Variants in ZNF865 observed in about 807,000 individuals in gnomAD.
The protein encoded by ZNF865 is zinc finger protein 865.
For missense variants in ZNF865, 1,311 were observed against 1,593.4 expected (o/e 0.82, Z 3.02); for synonymous variants, 763 against 750.8 (o/e 1.02, Z -0.27).
chr19:55,614,105 A>C lies in ZNF865; in HGVS notation c.487A>C (p.Lys163Gln). 7.0e-7 allele frequency: 1 copy of C among 1,435,078 alleles called. No homozygotes were observed. The highest frequency in any genetic ancestry group is 9.1e-7 in the Non-Finnish European group (1 of 1,102,896). The allele number at this position is 1,435,078 out of a possible 1,614,324, so 88.9% of individuals were successfully genotyped here. Residue 163 changes from lysine to glutamine, a missense_variant, in exon 2 of 2, where the codon AAG (lysine) becomes CAG (glutamine). Transcript: ENST00000568956. This position sits in a 1 kb window ranked among gnomAD's most constrained non-coding sequence, Gnocchi z 8.0. ...GCACCAGCACTTGTTTGGGAACCTG[A>C]AGCGAGGAGGGCCCGCGTCCGGGCC... ...SGHQHLFGNL[K>Q]RGGPASGPGV... is the part of the protein sequence containing the mutation.
rs1175997167 is a variant in ZNF865 at position 55,614,584 on chromosome 19, G to T, written c.966G>T (p.Ala322=). ...CGGGCCCTCCAGCCACGCCCGTGGCGCCTGCCCCCTCCGCAGACGGGAGCG... is the reference window on the plus strand; with the variant it reads ...CGGGCCCTCCAGCCACGCCCGTGGCTCCTGCCCCCTCCGCAGACGGGAGCG... ...VSSGPPATPV[A]PAPSADGSAA... is the part of the protein sequence containing the mutation. Residue 322 remains alanine, a synonymous_variant, in exon 2 of 2, where the codon GCG becomes GCT. Transcript: ENST00000568956. This position sits in a 1 kb window ranked among gnomAD's most constrained non-coding sequence, Gnocchi z 8.0. 6.6e-7 allele frequency: 1 copy of T among 1,513,838 alleles called. No homozygotes were observed. Among genetic ancestry groups the T allele is most frequent in the Admixed American group, 2.1e-5 (1 of 48,486 alleles). 93.8% of individuals were successfully genotyped at this position (1,513,838 alleles called of 1,614,324 possible).
In ZNF865 at chr19:55,614,675, C is replaced by A; in HGVS notation, c.1057C>A (p.Pro353Thr). The part of the protein sequence containing the change: ...TGGGDGPFAC[P>T]LCWKVFKKPS... The stretch of plus-strand genomic sequence containing the variant: ...GGGTGGCGATGGCCCGTTCGCCTGC[C>A]CACTCTGCTGGAAGGTTTTCAAGAA... The change falls in exon 2 of 2, where the codon CCA becomes ACA. Residue 353 changes from proline (P) to threonine (T), a missense_variant. Coordinates refer to ENST00000568956, the MANE Select transcript of ZNF865 (RefSeq NM_001195605.2). The surrounding 1 kb of genome is among the most constrained non-coding windows in gnomAD (Gnocchi z 8.0). 6.4e-7 allele frequency: 1 copy of A among 1,556,866 alleles called. No individual in the cohort carries two copies. The highest frequency in any genetic ancestry group is 1.2e-5 in the South Asian group (1 of 85,700).
At position 55,614,514 on chromosome 19, in the gene ZNF865, CCGCTGCCAG is replaced by C; in HGVS notation, c.900_908del (p.Ser302_Ala304del). 1 of 1,356,028 alleles carries C rather than the reference CCGCTGCCAG, an allele frequency of 7.4e-7. No homozygotes were observed. The allele number at this position is 1,356,028 out of a possible 1,614,324, so 84.0% of individuals were successfully genotyped here. On this transcript the variant is annotated inframe_deletion, in exon 2 of 2. Coordinates refer to ENST00000568956, the MANE Select transcript of ZNF865 (RefSeq NM_001195605.2). This position sits in a 1 kb window ranked among gnomAD's most constrained non-coding sequence, Gnocchi z 8.0. ...CTCCCGCCGCTGGGCCTCCCAGCAC[CCGCTGCCAG>C]CGCCGCCACCGCCGCCGCCCCCTCC...
Position 55,613,942 on chromosome 19 carries a change from GTCGTCATCT to G in ZNF865, c.330_338del (p.Ser115_Ser117del). 2 of 1,532,030 alleles carry G rather than the reference GTCGTCATCT, an allele frequency of 1.3e-6. No homozygotes were observed. Among genetic ancestry groups the G allele is most frequent in the Non-Finnish European group, 1.7e-6 (2 of 1,144,672 alleles). 94.9% of individuals were successfully genotyped at this position (1,532,030 alleles called of 1,614,324 possible). A position where few individuals can be genotyped will look rare whatever the true frequency, so the allele number is the denominator to read the frequency against. Reference sequence around the variant, plus strand: ...CCTCCTCCTCCTCTTCGTCCTCCTCGTCGTCATCTTCGTCCTCTTCCTCTTCCCAAGCCA... The same window carrying G: ...CCTCCTCCTCCTCTTCGTCCTCCTCGTCGTCCTCTTCCTCTTCCCAAGCCA... On this transcript the variant is annotated inframe_deletion, in exon 2 of 2. Transcript: ENST00000568956.
rs73615028 is a variant in ZNF865 at position 55,611,144 on chromosome 19, G to T, written c.-26-2449G>T. ...ATGGCAACTCACTTTGCCTCTCCAT[G>T]CCTTAGTTTTCTAATTTATCCAACG... On this transcript the variant is annotated intron_variant, in intron 1 of 1. Coordinates refer to ENST00000568956, the MANE Select transcript of ZNF865 (RefSeq NM_001195605.2). This position sits in a 1 kb window ranked among gnomAD's most constrained non-coding sequence, Gnocchi z 4.5. Among the ~76,000 whole-genome samples, 2,639 of 152,250 alleles carry T rather than the reference G, an allele frequency of 0.017. 81 individuals are homozygous for T. Among genetic ancestry groups the T allele is most frequent in the African/African-American group, 0.06 (2,512 of 41,524 alleles).
At chr19:55,612,332 C>G (rs1370364175) in intron 1 of ZNF865, among the ~76,000 whole-genome samples, 4 of 152,054 alleles carry the variant, frequency 2.6e-5, no homozygotes, top group African/African-American at 9.7e-5. Flanking sequence ...TATGCCAGCC[C>G]CCTTGCTGGA....
chr19:55,616,118 G>C lies in ZNF865; in HGVS notation c.2500G>C (p.Asp834His). Reference protein sequence around the residue: ...LCGQSFAGAYDLLLHRRSHRQ... With the variant: ...LCGQSFAGAYHLLLHRRSHRQ... ...CGGCCAGAGCTTCGCGGGCGCCTACGACTTGCTCCTACACCGCCGCAGCCA... is the reference window on the plus strand; with the variant it reads ...CGGCCAGAGCTTCGCGGGCGCCTACCACTTGCTCCTACACCGCCGCAGCCA... Residue 834 changes from aspartate (D) to histidine (H), a missense_variant, in exon 2 of 2, where the codon GAC (aspartate) becomes CAC (histidine). Transcript: ENST00000568956. The C allele has an allele frequency of 2.0e-6, 3 of 1,492,082 alleles. No individual in the cohort carries two copies. The highest frequency in any genetic ancestry group is 2.7e-6 in the Non-Finnish European group (3 of 1,122,974). The allele number at this position is 1,492,082 out of a possible 1,614,324, so 92.4% of individuals were successfully genotyped here.
Position 55,614,470 on chromosome 19 carries a change from GC to G in ZNF865, c.856del (p.Gln286SerfsTer108). 8.5e-7 allele frequency: 1 copy of G among 1,172,934 alleles called. No individual in the cohort carries two copies. The highest frequency in any genetic ancestry group is 1.6e-5 in the South Asian group (1 of 63,034). The allele number at this position is 1,172,934 out of a possible 1,614,324, so 72.7% of individuals were successfully genotyped here. A position where few individuals can be genotyped will look rare whatever the true frequency, so the allele number is the denominator to read the frequency against. On this transcript the variant is annotated frameshift_variant, in exon 2 of 2. Transcript: ENST00000568956. LOFTEE classifies it low-confidence loss of function (END_TRUNC). The surrounding 1 kb of genome is among the most constrained non-coding windows in gnomAD (Gnocchi z 8.0). ...KDVPPAAGGP[P>X]QPGPHLPPLG... Reference sequence around the variant, plus strand: ...ACGTGCCACCGGCCGCGGGGGGCCCGCCCCAGCCCGGCCCCCACCTCCCGCC... The same window carrying G: ...ACGTGCCACCGGCCGCGGGGGGCCCGCCCAGCCCGGCCCCCACCTCCCGCC...
chr19:55,616,552 C>T lies in ZNF865; in HGVS notation c.2934C>T (p.His978=), dbSNP rs1981367247. 1.3e-6 allele frequency: 2 copies of T among 1,533,656 alleles called. No individual in the cohort carries two copies. The highest frequency in any genetic ancestry group is 1.7e-6 in the Non-Finnish European group (2 of 1,145,678). ...TCTACCTGAGCTCCGTGCTGCGCCA[C>T]CAGCGCGCCCATGAGCCGCCGCGGC... ...GFFYLSSVLR[H]QRAHEPPRPE... Residue 978 remains histidine, a synonymous_variant, in exon 2 of 2, where the codon CAC becomes CAT. Transcript: ENST00000568956.
rs1270141459 is a variant in ZNF865 at position 55,614,964 on chromosome 19, C to A, written c.1346C>A (p.Ser449Tyr). 6.9e-7 allele frequency: 1 copy of A among 1,452,384 alleles called. No homozygotes were observed. The highest frequency in any genetic ancestry group is 9.0e-7 in the Non-Finnish European group (1 of 1,110,572). The allele number at this position is 1,452,384 out of a possible 1,614,324, so 90.0% of individuals were successfully genotyped here. A position where few individuals can be genotyped will look rare whatever the true frequency, so the allele number is the denominator to read the frequency against. ...TACCCCTGCGACCTGTGCGGCAAGT[C>A]CTACTCGGCTCCGCAGAGCCTGCTC... ...PVYPCDLCGKSYSAPQSLLRH... is the reference protein window; with the variant it reads ...PVYPCDLCGKYYSAPQSLLRH... The change falls in exon 2 of 2, where the codon TCC (serine) becomes TAC (tyrosine). Residue 449 changes from serine (S) to tyrosine (Y), a missense_variant. Transcript: ENST00000568956. The surrounding 1 kb of genome is among the most constrained non-coding windows in gnomAD (Gnocchi z 8.0).
In ZNF865 at chr19:55,614,820, C is replaced by A; in HGVS notation, c.1202C>A (p.Ser401Ter). The A allele has an allele frequency of 1.3e-6, 2 of 1,539,556 alleles. No homozygotes were observed. The highest frequency in any genetic ancestry group is 8.7e-7 in the Non-Finnish European group (1 of 1,150,022). Residue 401 changes from serine (S) to a stop codon, truncating the protein, a stop_gained, in exon 2 of 2, where the codon TCG (serine) becomes TAG (stop). Transcript: ENST00000568956. LOFTEE classifies it low-confidence loss of function (END_TRUNC). This position sits in a 1 kb window ranked among gnomAD's most constrained non-coding sequence, Gnocchi z 8.0. ...CTGAAGCGCCACGTGAAGACGCACT[C>A]GGCCGACCTCCTGCGCCTGCCCTGC... is the stretch of plus-strand genomic sequence containing the variant. ...ESLKRHVKTH[S>*]ADLLRLPCGI...
Position 55,615,865 on chromosome 19 carries a change from G to C in ZNF865, c.2247G>C (p.Leu749=). The change falls in exon 2 of 2, where the codon CTG becomes CTC. Residue 749 remains leucine, a synonymous_variant. Coordinates refer to ENST00000568956, the MANE Select transcript of ZNF865 (RefSeq NM_001195605.2). ...GSSGTDAASV[L]DNGLAGEVGA... Reference sequence around the variant, plus strand: ...GCGGCACGGATGCGGCCAGCGTGCTGGACAACGGGCTGGCGGGGGAGGTGG... The same window carrying C: ...GCGGCACGGATGCGGCCAGCGTGCTCGACAACGGGCTGGCGGGGGAGGTGG... 1 of 1,487,050 alleles carries C rather than the reference G, an allele frequency of 6.7e-7. No homozygotes were observed. The highest frequency in any genetic ancestry group is 2.6e-5 in the East Asian group (1 of 37,822). 92.1% of individuals were successfully genotyped at this position (1,487,050 alleles called of 1,614,324 possible). A position where few individuals can be genotyped will look rare whatever the true frequency, so the allele number is the denominator to read the frequency against.
rs962390053 is a variant in ZNF865, at chr19:55,613,828, G to T, written c.210G>T (p.Pro70=). The T allele has an allele frequency of 2.3e-4, 164 of 714,472 alleles. No homozygotes were observed. Among genetic ancestry groups the T allele is most frequent in the Non-Finnish European group, 2.6e-4 (161 of 624,758 alleles). 44.3% of individuals were successfully genotyped at this position (714,472 alleles called of 1,614,324 possible). Residue 70 remains proline (P), a synonymous_variant, in exon 2 of 2, where the codon CCG becomes CCT. Coordinates refer to ENST00000568956, the MANE Select transcript of ZNF865 (RefSeq NM_001195605.2). The part of the protein sequence containing the change: ...CAPGPPPQPP[P]QPPPPQYDYP... ...CCGGCCCCCCGCCGCAGCCCCCGCC[G>T]CAGCCCCCTCCCCCGCAGTATGACT...
Position 55,615,023 on chromosome 19 carries a change from G to T in ZNF865, c.1405G>T (p.Ala469Ser), listed in dbSNP as rs1366591666. ...HKAAHAPPAA[A>S]AEAPKDGAAS... ...GGCCGCCCACGCCCCGCCCGCTGCC[G>T]CTGCGGAGGCGCCCAAGGACGGGGC... The change falls in exon 2 of 2, where the codon GCT becomes TCT. Residue 469 changes from alanine to serine, a missense_variant. By Grantham distance (99) the Ala-to-Ser change is moderately conservative. Coordinates refer to ENST00000568956, the MANE Select transcript of ZNF865 (RefSeq NM_001195605.2). The T allele has an allele frequency of 3.8e-6, 5 of 1,321,470 alleles. No individual in the cohort carries two copies. The highest frequency in any genetic ancestry group is 3.1e-5 in the African/African-American group (2 of 63,562). The allele number at this position is 1,321,470 out of a possible 1,614,324, so 81.9% of individuals were successfully genotyped here.
rs1216470934 is a variant in ZNF865 at position 55,615,925 on chromosome 19, G to A, written c.2307G>A (p.Gly769=). 4.7e-6 allele frequency: 7 copies of A among 1,497,118 alleles called. No individual in the cohort carries two copies. The highest frequency in any genetic ancestry group is 4.3e-5 in the Admixed American group (2 of 46,476). 92.7% of individuals were successfully genotyped at this position (1,497,118 alleles called of 1,614,324 possible). A position where few individuals can be genotyped will look rare whatever the true frequency, so the allele number is the denominator to read the frequency against. The change falls in exon 2 of 2, where the codon GGG becomes GGA. Residue 769 remains glycine (G), a synonymous_variant. Coordinates refer to ENST00000568956, the MANE Select transcript of ZNF865 (RefSeq NM_001195605.2). The stretch of plus-strand genomic sequence containing the variant: ...TGGCGGCACTGGCAGGGGTGTCTGG[G>A]GGTGAGGACGCAGGCGGGGCGGCGG... ...AAVAALAGVS[G]GEDAGGAAVA...
Position 55,616,596 on chromosome 19 carries a change from C to T in ZNF865, c.2978C>T (p.Ala993Val). 6.5e-7 allele frequency: 1 copy of T among 1,528,136 alleles called. No individual in the cohort carries two copies. Among genetic ancestry groups the T allele is most frequent in the Non-Finnish European group, 8.7e-7 (1 of 1,143,204 alleles). The allele number at this position is 1,528,136 out of a possible 1,614,324, so 94.7% of individuals were successfully genotyped here. The change falls in exon 2 of 2, where the codon GCC becomes GTC. Residue 993 changes from alanine to valine, a missense_variant. Ala to Val is a moderately conservative substitution (Grantham distance 64). Coordinates refer to ENST00000568956, the MANE Select transcript of ZNF865 (RefSeq NM_001195605.2). ...EPPRPELRCPACLKAFKDPGY... is the reference protein window; with the variant it reads ...EPPRPELRCPVCLKAFKDPGY... ...CCGCGGCCCGAGCTCCGCTGCCCCG[C>T]CTGCCTCAAGGCCTTCAAGGATCCC... is the stretch of plus-strand genomic sequence containing the variant.
At position 55,615,349 on chromosome 19, in the gene ZNF865, C is replaced by A; in HGVS notation, c.1731C>A (p.Pro577=). 6.6e-7 allele frequency: 1 copy of A among 1,514,320 alleles called. No homozygotes were observed. Among genetic ancestry groups the A allele is most frequent in the Non-Finnish European group, 8.8e-7 (1 of 1,138,154 alleles). 93.8% of individuals were successfully genotyped at this position (1,514,320 alleles called of 1,614,324 possible). A position where few individuals can be genotyped will look rare whatever the true frequency, so the allele number is the denominator to read the frequency against. ...AGCGCATCCACACGGGCGAGAAGCC[C>A]CACCAGTGCCCCGTGTGTGGGAAGC... ...RHERIHTGEK[P]HQCPVCGKRF... is the part of the protein sequence containing the mutation. Residue 577 remains proline (P), a synonymous_variant, in exon 2 of 2, where the codon CCC becomes CCA. Coordinates refer to ENST00000568956, the MANE Select transcript of ZNF865 (RefSeq NM_001195605.2).
intron 1 of ZNF865, among the ~76,000 whole-genome samples, chr19:55,606,169 C>A (rs1980933683): frequency 1.3e-5 from 2 of 152,172 alleles, no homozygotes; most frequent in South Asian, 4.1e-4. Context: ...TGCCTTGCAG[C>A]AGAACTGTCC....
rs1194255343 is a variant in ZNF865 at position 55,614,175 on chromosome 19, C to T, written c.557C>T (p.Pro186Leu). The T allele has an allele frequency of 7.4e-6, 11 of 1,478,654 alleles. No homozygotes were observed. The highest frequency in any genetic ancestry group is 5.4e-5 in the East Asian group (2 of 36,868). 91.6% of individuals were successfully genotyped at this position (1,478,654 alleles called of 1,614,324 possible). A position where few individuals can be genotyped will look rare whatever the true frequency, so the allele number is the denominator to read the frequency against. Residue 186 changes from proline to leucine, a missense_variant, in exon 2 of 2, where the codon CCG becomes CTG. Coordinates refer to ENST00000568956, the MANE Select transcript of ZNF865 (RefSeq NM_001195605.2). This position sits in a 1 kb window ranked among gnomAD's most constrained non-coding sequence, Gnocchi z 8.0. ...GGCGCTCCCGCGGGGGCCCCAGGGC[C>T]GCTTCCTGCCCCCTCGCAGACCCCG... is the stretch of plus-strand genomic sequence containing the variant. ...GLGAPAGAPG[P>L]LPAPSQTPPG...
Sources: allele counts gnomAD v4.1 joint callset (sites outside exome capture counted in the v4.1 genomes callset), GRCh38; gene constraint gnomAD v4.1.1; non-coding constraint Gnocchi (gnomAD v3.1); transcripts MANE v1.5; gene names NCBI Gene and HGNC (gene_info 2026-07-23, HGNC 2026-07-21).